Variants in PLA2G2A observed in about 807,000 individuals in gnomAD.
The protein encoded by PLA2G2A is phospholipase A2, membrane associated.
PLA2G2A carries 6 observed loss-of-function variants against 11.2 expected under a neutral mutation model. That is an observed-to-expected ratio of 0.54 (90% CI 0.29 to 1.06). The LOEUF is 1.06. Among genes scored for constraint, PLA2G2A ranks in the 50% least tolerant of loss-of-function variants. PLA2G2A has a pLI of 0.08. For missense variants in PLA2G2A, 133 were observed against 177.1 expected, an observed-to-expected ratio of 0.75 and a Z score of 1.41; for synonymous variants, 69 against 65.8, an observed-to-expected ratio of 1.05 and a Z score of -0.23.
intron 3 of PLA2G2A, 96 bp downstream of exon 3, chr1:19,978,284 G>T: frequency 6.8e-7 from 1 of 1,478,138 alleles, no homozygotes. Context: ...GCCATCCTGA[G>T]ACCTCTGCGC....
At chr1:19,975,508 G>A, downstream of PLA2G2A, 1 of 628,844 alleles carries the variant, frequency 1.6e-6, no homozygotes, top group Non-Finnish European at 2.8e-6. Flanking sequence ...GAGTTGAGGT[G>A]GAGGAGAGCA....
At chr1:19,978,610 T>C in intron 2 of PLA2G2A, 86 bp from the exon 3 acceptor site, 1 of 1,601,644 alleles carries the variant, frequency 6.2e-7, no homozygotes, top group Non-Finnish European at 8.5e-7. Flanking sequence ...CTCTCCTTCC[T>C]CCCAAATGGC....
chr1:19,978,973 G>GCACGCACACCCACA (rs562663581), intron 1 of PLA2G2A, 94 bp from the exon 2 acceptor site: 1 of 484,672 alleles, frequency 2.1e-6, no homozygotes, highest in African/African-American at 2.0e-5. Flanking sequence ...CTCCAGCAAT[G>GCACGCACACCCACA]CACACACACA....
exon 3 of PLA2G2A, chr1:19,978,498 C>G: frequency 6.2e-7 from 1 of 1,613,820 alleles, no homozygotes; most frequent in Non-Finnish European, 8.5e-7. Context: ...TGGAAATTCA[C>G]CAAATTCCCA....
At chr1:19,978,473 A>C (rs1371906284) in exon 3 of PLA2G2A, 1 of 1,613,890 alleles carries the variant, frequency 6.2e-7, no homozygotes, top group Non-Finnish European at 8.5e-7. Context: ...TCCTGTCGTC[A>C]ACTTGATCAT....
At chr1:19,977,783 C>A (rs1292749788) in intron 4 of PLA2G2A, among the ~76,000 whole-genome samples, 1 of 152,204 alleles carries the variant, frequency 6.6e-6, no homozygotes. Context: ...TTAGGGGTCA[C>A]CCCTTCCAGG....
intron 4 of PLA2G2A, among the ~76,000 whole-genome samples, chr1:19,976,284 C>T (rs1033910846): frequency 6.6e-6 from 1 of 152,166 alleles, no homozygotes; most frequent in African/African-American, 2.4e-5. Context: ...CTTCTGGGAA[C>T]GATCTATTTC....
In PLA2G2A at chr1:19,975,852, A is replaced by C; in HGVS notation, c.293-9T>G. ...GCAGGAGTCCTGTTTTGCTGAAATC[A>C]TAAGAAAATAAACACAAGATGGGAG... On this transcript the variant is annotated splice_polypyrimidine_tract_variant and intron_variant, in intron 4 of 4. Transcript: ENST00000482011. The C allele has an allele frequency of 6.2e-7, 1 of 1,613,086 alleles. No homozygotes were observed. The highest frequency in any genetic ancestry group is 2.2e-5 in the East Asian group (1 of 44,882).
At chr1:19,976,048 C>A (rs2046215270) in intron 4 of PLA2G2A, among the ~76,000 whole-genome samples, 1 of 152,140 alleles carries the variant, frequency 6.6e-6, no homozygotes, top group Non-Finnish European at 1.5e-5. Flanking sequence ...GGAGACACAG[C>A]CAGGCACTGG....
exon 3 of PLA2G2A, chr1:19,978,384 C>T: frequency 6.2e-7 from 1 of 1,612,404 alleles, no homozygotes; most frequent in Non-Finnish European, 8.5e-7. Flanking sequence ...CCTCACCGAT[C>T]CGTTGCATCC....
At chr1:19,975,435 T>G, downstream of PLA2G2A, 1 of 511,130 alleles carries the variant, frequency 2.0e-6, no homozygotes, top group Non-Finnish European at 3.6e-6. Context: ...CACATATACA[T>G]GATTTGCTAA....
chr1:19,978,230 G>T, intron 3 of PLA2G2A, 109 bp from the exon 4 acceptor site: 1 of 1,332,780 alleles, frequency 7.5e-7, no homozygotes, highest in Non-Finnish European at 1.1e-6. Context: ...CTTTGCAACA[G>T]TCTAGAGCAG....
At chr1:19,980,157 C>G (rs898486842), upstream of PLA2G2A, among the ~76,000 whole-genome samples, 5 of 152,194 alleles carry the variant, frequency 3.3e-5, no homozygotes, top group African/African-American at 1.2e-4. Context: ...ACGTGTGCAC[C>G]CCACAGTCCA....
intron 4 of PLA2G2A, among the ~76,000 whole-genome samples, chr1:19,977,057 T>C (rs1435896613): frequency 2.0e-5 from 3 of 152,174 alleles, no homozygotes; most frequent in Non-Finnish European, 4.4e-5. Flanking sequence ...AAATGAGTGA[T>C]CACACCCACC....
intron 4 of PLA2G2A, 134 bp from the exon 5 acceptor site, chr1:19,975,977 A>T (rs2046214767): frequency 1.3e-6 from 1 of 766,326 alleles, no homozygotes; most frequent in East Asian, 2.7e-5. Context: ...TGCGCTCCAG[A>T]TATTTCTGAC....
chr1:19,975,973 C>G lies in PLA2G2A; in HGVS notation c.293-130G>C, dbSNP rs931154740. On this transcript the variant is annotated intron_variant, in intron 4 of 4. Coordinates refer to ENST00000482011, the Ensembl canonical transcript of PLA2G2A. ...CTAGTTGGAGACAAACACCTGCGCTCCAGATATTTCTGACCAATGGGGAGA... is the reference window on the plus strand; with the variant it reads ...CTAGTTGGAGACAAACACCTGCGCTGCAGATATTTCTGACCAATGGGGAGA... 6.3e-5 allele frequency: 49 copies of G among 772,128 alleles called. No individual in the cohort carries two copies. The African/African-American group carries it at 7.7e-4, about 12-fold the overall frequency. The allele number at this position is 772,128 out of a possible 1,614,324, so 47.8% of individuals were successfully genotyped here.
rs11573160 is a variant in PLA2G2A at position 19,978,679 on chromosome 1, G to T, written c.40+55C>A. On this transcript the variant is annotated intron_variant, in intron 2 of 4. Transcript: ENST00000482011. Reference sequence around the variant, plus strand: ...TGGGAGAGAAAACTAAGGGACAAGAGTGCTTCCCTTCTGGGGCTGTCCCCC... The same window carrying T: ...TGGGAGAGAAAACTAAGGGACAAGATTGCTTCCCTTCTGGGGCTGTCCCCC... 1.0e-5 allele frequency: 16 copies of T among 1,602,110 alleles called. No individual in the cohort carries two copies. In the South Asian group the frequency reaches 1.5e-4, roughly 15 times the overall value.
exon 5 of PLA2G2A, chr1:19,975,681 G>A (rs760059850): frequency 1.9e-6 from 3 of 1,610,820 alleles, no homozygotes; most frequent in Non-Finnish European, 2.5e-6. Flanking sequence ...TGGGTGGAAG[G>A]TTTCCAGGGA....
exon 5 of PLA2G2A, chr1:19,975,807 C>T: frequency 1.2e-6 from 2 of 1,613,960 alleles, no homozygotes; most frequent in South Asian, 1.1e-5. Flanking sequence ...AGCCTTATCA[C>T]ACTCACACAG....
Sources: allele counts gnomAD v4.1 joint callset (sites outside exome capture counted in the v4.1 genomes callset), GRCh38; gene constraint gnomAD v4.1.1; transcripts MANE v1.5; gene names NCBI Gene and HGNC (gene_info 2026-07-23, HGNC 2026-07-21).